The following BACH1 variants were observed in gnomAD, a reference collection of about 807,000 sequenced individuals.
The protein encoded by BACH1 is BTB domain and CNC homolog 1.
Under a neutral mutation model 52.9 loss-of-function variants are expected in BACH1, and 35 were observed. The observed-to-expected ratio is 0.66, with a 90% CI of 0.51 to 0.88. The LOEUF is 0.88. BACH1 is among the 40% of genes least tolerant of loss of function. BACH1 has a pLI of 0.00. For missense variants in BACH1, 808 were observed against 872.6 expected (o/e 0.93, Z 0.93); for synonymous variants, 321 against 319.6 (o/e 1.00, Z -0.05).
intron 2 of BACH1, among the ~76,000 whole-genome samples, chr21:29,323,543 T>C (rs978481822): frequency 6.6e-6 from 1 of 152,168 alleles, no homozygotes; most frequent in African/African-American, 2.4e-5. Flanking sequence ...TCCTCCTGTT[T>C]TGTTCCAGCC....
At position 29,342,723 on chromosome 21, in the gene BACH1, A is replaced by G. The variant is rs756015798; in HGVS notation, c.2101A>G (p.Met701Val). ...GYARGQESQQ[M>V]STATSEQAGP... ...CGCGCGAGGGCAGGAGTCCCAGCAGATGTCCACAGCCACCTCTGAGCAAGC... is the reference window on the plus strand; with the variant it reads ...CGCGCGAGGGCAGGAGTCCCAGCAGGTGTCCACAGCCACCTCTGAGCAAGC... The change falls in exon 5 of 5, where the codon ATG becomes GTG. Residue 701 changes from methionine to valine, a missense_variant. Met to Val is a conservative substitution (Grantham distance 21). Transcript: ENST00000286800. 1 of 1,614,220 alleles carries G rather than the reference A, an allele frequency of 6.2e-7. No individual in the cohort carries two copies. The highest frequency in any genetic ancestry group is 8.5e-7 in the Non-Finnish European group (1 of 1,180,056).
chr21:29,356,567 C>T (rs2089235849), intron 2 of BACH1, among the ~76,000 whole-genome samples: 1 of 152,204 alleles, frequency 6.6e-6, no homozygotes. Flanking sequence ...TTATCCTGTC[C>T]TGAAGGGAGT....
chr21:29,351,224 A>G (rs2089200353), intron 2 of BACH1, among the ~76,000 whole-genome samples: 1 of 152,208 alleles, frequency 6.6e-6, no homozygotes, highest in Non-Finnish European at 1.5e-5. Flanking sequence ...ATAATTTTCC[A>G]GATACCATCT....
At chr21:29,312,479 T>G (rs992297524) in intron 1 of BACH1, among the ~76,000 whole-genome samples, 3 of 152,176 alleles carry the variant, frequency 2.0e-5, no homozygotes, top group African/African-American at 2.4e-5. Flanking sequence ...AGTAAAATGG[T>G]CTCTGTTTGC....
At chr21:29,350,706 C>T (rs909267182), downstream of BACH1, among the ~76,000 whole-genome samples, 9 of 152,302 alleles carry the variant, frequency 5.9e-5, 1 homozygote, top group Admixed American at 6.5e-5. Flanking sequence ...ATCAATCAGC[C>T]AGCGCACTCC....
downstream of BACH1, among the ~76,000 whole-genome samples, chr21:29,347,836 T>C (rs1312082383): frequency 6.6e-6 from 1 of 152,256 alleles, no homozygotes; most frequent in Non-Finnish European, 1.5e-5. Flanking sequence ...GTGTAGCATG[T>C]AGCATATCAG....
At chr21:29,339,196 A>G (rs933974429) in intron 4 of BACH1, among the ~76,000 whole-genome samples, 4 of 152,146 alleles carry the variant, frequency 2.6e-5, no homozygotes, top group Non-Finnish European at 4.4e-5. Context: ...ATATTAACAG[A>G]TTCCCCTCCT....
downstream of BACH1, among the ~76,000 whole-genome samples, chr21:29,347,362 G>A (rs535587625): frequency 2.0e-5 from 3 of 152,258 alleles, no homozygotes; most frequent in African/African-American, 4.8e-5. Context: ...ACAAGTAAGG[G>A]GTGGGCCGAG....
intron 2 of BACH1, among the ~76,000 whole-genome samples, chr21:29,357,867 A>G (rs748468973): frequency 2.0e-5 from 3 of 152,198 alleles, no homozygotes; most frequent in African/African-American, 4.8e-5. Flanking sequence ...GTAGGGGACA[A>G]CAAATGGGTA....
At chr21:29,354,206 T>G (rs1278400847) in intron 2 of BACH1, among the ~76,000 whole-genome samples, 1 of 152,146 alleles carries the variant, frequency 6.6e-6, no homozygotes, top group Non-Finnish European at 1.5e-5. Flanking sequence ...TTGCATGCCA[T>G]GTATGTGTGG....
At chr21:29,304,805 T>C (rs2088638004) in intron 1 of BACH1, among the ~76,000 whole-genome samples, 1 of 152,234 alleles carries the variant, frequency 6.6e-6, no homozygotes, top group Non-Finnish European at 1.5e-5. Flanking sequence ...TCTTTACTGA[T>C]ATCTTCACAT....
intron 1 of BACH1, chr21:29,305,336 A>C (rs2088644354): frequency 6.6e-6 from 1 of 152,078 alleles, no homozygotes. Context: ...ATTACGATTA[A>C]CTTTCCCTAC....
At chr21:29,299,399 C>T (rs916410290) in intron 1 of BACH1, 2 of 152,660 alleles carry the variant, frequency 1.3e-5, no homozygotes, top group African/African-American at 4.8e-5. Context: ...CGCCTCCCAC[C>T]GCATGCCCAG....
chr21:29,339,447 C>A (rs141601840), intron 4 of BACH1, among the ~76,000 whole-genome samples: 1,833 of 152,184 alleles, frequency 0.012, 28 homozygotes, highest in African/African-American at 0.042. Flanking sequence ...TACTAAGGAA[C>A]TATTAGTGAC....
downstream of BACH1, among the ~76,000 whole-genome samples, chr21:29,350,890 C>T (rs1279183900): frequency 2.6e-5 from 4 of 152,278 alleles, no homozygotes; most frequent in East Asian, 7.7e-4. Context: ...GGAGCAGACT[C>T]CCATGAAAGC....
At chr21:29,312,852 A>G (rs1569009272) in intron 1 of BACH1, among the ~76,000 whole-genome samples, 1 of 152,192 alleles carries the variant, frequency 6.6e-6, no homozygotes, top group Non-Finnish European at 1.5e-5. Flanking sequence ...CTATATTTTC[A>G]TTGCATTCCT....
chr21:29,335,836 C>G (rs561349894), intron 4 of BACH1, among the ~76,000 whole-genome samples: 1 of 152,260 alleles, frequency 6.6e-6, no homozygotes, highest in Non-Finnish European at 1.5e-5. Flanking sequence ...TGTTCCTGTC[C>G]TGCTGTCTTG....
chr21:29,332,230 G>C (rs117245750), intron 4 of BACH1, among the ~76,000 whole-genome samples: 2,246 of 152,224 alleles, frequency 0.015, 37 homozygotes, highest in South Asian at 0.023. Context: ...CATTGCATCC[G>C]GTCTCCATTT....
chr21:29,334,378 G>A (rs950557230), intron 4 of BACH1, among the ~76,000 whole-genome samples: 8 of 152,166 alleles, frequency 5.3e-5, no homozygotes, highest in African/African-American at 1.9e-4. Flanking sequence ...GATTATAGGC[G>A]TGAGCCACTG....
Sources: gnomAD v4.1 joint callset for allele counts (sites outside exome capture counted in the v4.1 genomes callset) on GRCh38, gnomAD v4.1.1 for gene constraint, MANE v1.5 for transcripts, NCBI Gene and HGNC (gene_info 2026-07-23, HGNC 2026-07-21) for gene names.